The following CNGA1 variants were observed in gnomAD, a reference collection of about 807,000 sequenced individuals.
CNGA1 encodes cyclic nucleotide-gated channel alpha-1.
CNGA1 carries 53 observed loss-of-function variants against 69.7 expected under a neutral mutation model. That is an observed-to-expected ratio of 0.76 (90% CI 0.61 to 0.96). The LOEUF (loss-of-function observed/expected upper bound fraction) is 0.96, where lower values mean the gene tolerates loss of function less well. Ranked by LOEUF, CNGA1 falls within the 40% of genes least tolerant of loss-of-function variation. CNGA1 has a pLI of 0.00. For synonymous variants in CNGA1, 249 were observed against 283.5 expected (o/e 0.88, Z 1.22); for missense variants, 739 against 811.2 (o/e 0.91, Z 1.08).
At chr4:48,015,146 C>G (rs571657743) in intron 1 of CNGA1, among the ~76,000 whole-genome samples, 1 of 152,322 alleles carries the variant, frequency 6.6e-6, no homozygotes, top group Admixed American at 6.5e-5. Flanking sequence ...CCACTGCACT[C>G]CAGCCTGGGC....
intron 2 of CNGA1, among the ~76,000 whole-genome samples, chr4:47,984,647 A>AT (rs1553868841): frequency 0.013 from 812 of 64,484 alleles, 8 homozygotes; most frequent in African/African-American, 0.029. Flanking sequence ...AAATAAAAAA[A>AT]ATATATATAT....
chr4:47,947,038 C>T lies in CNGA1; in HGVS notation c.287+2795G>A, dbSNP rs546471236. 8.5e-5 allele frequency among the ~76,000 whole-genome samples: 13 copies of T among 152,282 alleles called. No homozygotes were observed. The South Asian group carries it at 1.2e-3, about 15-fold the overall frequency. ...CTGACCTTAGGTGGTCTGCCTGCCT[C>T]GGCCTCCCAAAGTGCTGGGATTACA... On this transcript the variant is annotated intron_variant, in intron 6 of 10. Transcript: ENST00000514170.
At chr4:47,997,076 T>G (rs1742501609) in intron 2 of CNGA1, among the ~76,000 whole-genome samples, 1 of 152,034 alleles carries the variant, frequency 6.6e-6, no homozygotes, top group Admixed American at 6.6e-5. Flanking sequence ...AACAAAAACT[T>G]AGGTAAATAT....
chr4:48,012,558 CTTTTTTTTTTTTTT>C (rs528643370), intron 1 of CNGA1, among the ~76,000 whole-genome samples: 906 of 65,038 alleles, frequency 0.014, 25 homozygotes, highest in African/African-American at 0.055. Flanking sequence ...ACCACACCAT[CTTTTTTTTTTTTTT>C]TTTTTTTTTT....
At chr4:47,957,600 A>T (rs1459807581) in intron 3 of CNGA1, among the ~76,000 whole-genome samples, 1 of 152,156 alleles carries the variant, frequency 6.6e-6, no homozygotes, top group African/African-American at 2.4e-5. Context: ...AGCCTGGGTG[A>T]CAGAGAGTGA....
At chr4:47,944,369 C>G (rs144305504) in intron 6 of CNGA1, among the ~76,000 whole-genome samples, 1 of 152,242 alleles carries the variant, frequency 6.6e-6, no homozygotes, top group East Asian at 1.9e-4. Context: ...TGGTCACGTA[C>G]AAACAGGGAC....
At chr4:47,977,252 TAAG>T (rs1174066380) in intron 3 of CNGA1, among the ~76,000 whole-genome samples, 1 of 152,056 alleles carries the variant, frequency 6.6e-6, no homozygotes, top group Non-Finnish European at 1.5e-5. Flanking sequence ...GGTGTCCTTA[TAAG>T]AAGAGGAAAC....
intron 3 of CNGA1, among the ~76,000 whole-genome samples, chr4:47,973,188 C>T (rs1401124169): frequency 3.3e-5 from 5 of 151,478 alleles, no homozygotes; most frequent in African/African-American, 1.2e-4. Flanking sequence ...CCACCTCAGC[C>T]TCCCAAGTAC....
chr4:47,995,148 T>C (rs1395881524), intron 2 of CNGA1, among the ~76,000 whole-genome samples: 1 of 151,548 alleles, frequency 6.6e-6, no homozygotes, highest in Non-Finnish European at 1.5e-5. Flanking sequence ...CTGATGACAA[T>C]GTGCCTAGGT....
At chr4:47,976,049 T>TA (rs956200708) in intron 3 of CNGA1, among the ~76,000 whole-genome samples, 3 of 150,080 alleles carry the variant, frequency 2.0e-5, no homozygotes, top group Non-Finnish European at 4.4e-5. Context: ...TGGAAAGTCT[T>TA]AAAAAAAAGT....
intron 2 of CNGA1, among the ~76,000 whole-genome samples, chr4:48,004,946 G>A (rs1714847904): frequency 6.6e-6 from 1 of 152,228 alleles, no homozygotes; most frequent in East Asian, 1.9e-4. Context: ...AGAAAAATTA[G>A]AACTCAGTCC....
intron 2 of CNGA1, among the ~76,000 whole-genome samples, chr4:48,010,272 C>G (rs993082610): frequency 6.6e-6 from 1 of 152,162 alleles, no homozygotes; most frequent in African/African-American, 2.4e-5. Context: ...TAGATAGGGA[C>G]TATTTATTTT....
intron 3 of CNGA1, among the ~76,000 whole-genome samples, chr4:47,965,893 G>T (rs1449864360): frequency 6.7e-6 from 1 of 150,126 alleles, no homozygotes; most frequent in Non-Finnish European, 1.5e-5. Context: ...AGGTATCATA[G>T]GATCATAGGC....
intron 6 of CNGA1, among the ~76,000 whole-genome samples, chr4:47,945,597 G>A (rs1220809121): frequency 6.6e-6 from 1 of 152,068 alleles, no homozygotes; most frequent in Non-Finnish European, 1.5e-5. Context: ...TATGACTTAT[G>A]GTGTTTCCCA....
At chr4:47,962,823 C>G (rs1420201914) in intron 3 of CNGA1, among the ~76,000 whole-genome samples, 1 of 152,080 alleles carries the variant, frequency 6.6e-6, no homozygotes, top group African/African-American at 2.4e-5. Flanking sequence ...CAATAATCCA[C>G]TTTTAAATTT....
chr4:47,960,031 G>A (rs185058213), intron 3 of CNGA1, among the ~76,000 whole-genome samples: 2 of 152,134 alleles, frequency 1.3e-5, no homozygotes, highest in African/African-American at 4.8e-5. Flanking sequence ...TATCTGACAA[G>A]ACTTATATAC....
intron 3 of CNGA1, among the ~76,000 whole-genome samples, chr4:47,953,949 G>A (rs1397660748): frequency 6.6e-5 from 10 of 151,946 alleles, no homozygotes; most frequent in Admixed American, 6.5e-4. Flanking sequence ...AGGCACTCCT[G>A]TTTTCGCCTC....
At chr4:47,992,454 T>C (rs1259826349) in intron 2 of CNGA1, among the ~76,000 whole-genome samples, 2 of 151,936 alleles carry the variant, frequency 1.3e-5, no homozygotes, top group Non-Finnish European at 2.9e-5. Flanking sequence ...GAGTTCTTGA[T>C]TTGATTCTCA....
intron 3 of CNGA1, among the ~76,000 whole-genome samples, chr4:47,966,819 TAA>T (rs1740748873): frequency 6.6e-6 from 1 of 152,218 alleles, no homozygotes; most frequent in Non-Finnish European, 1.5e-5. Context: ...AAGTAATCAA[TAA>T]GATTCACAAT....
Sources: allele counts gnomAD v4.1 joint callset (sites outside exome capture counted in the v4.1 genomes callset), GRCh38; gene constraint gnomAD v4.1.1; transcripts MANE v1.5; gene names NCBI Gene and HGNC (gene_info 2026-07-23, HGNC 2026-07-21).